Variants in ZNF418 observed in about 807,000 individuals in gnomAD.
ZNF418 encodes the protein zinc finger protein 418.
Under a neutral mutation model 32.0 loss-of-function variants are expected in ZNF418, and 32 were observed. That is an observed-to-expected ratio of 1.00 (90% CI 0.75 to 1.34). ZNF418 has a LOEUF of 1.34. Ranked by LOEUF, ZNF418 falls within the 40% of genes most tolerant of loss-of-function variation. ZNF418 has a pLI of 0.00. For missense variants in ZNF418, 804 were observed against 812.5 expected (o/e 0.99, Z 0.13); for synonymous variants, 276 against 270.7 (o/e 1.02, Z -0.19).
At chr19:57,932,301 G>A (rs2072519187) in intron 2 of ZNF418, 1 of 792,142 alleles carries the variant, frequency 1.3e-6, no homozygotes, top group African/African-American at 1.7e-5. Flanking sequence ...CAGGCCATTT[G>A]AGGTCATACA....
chr19:57,931,157 T>G (rs2072471547), intron 2 of ZNF418, among the ~76,000 whole-genome samples: 1 of 152,160 alleles, frequency 6.6e-6, no homozygotes, highest in Non-Finnish European at 1.5e-5. Flanking sequence ...TAAAGCCCAG[T>G]GCAGTTGCCT....
In ZNF418 at chr19:57,922,485, C is replaced by A; in HGVS notation, c.*770G>T. On this transcript the variant is annotated 3_prime_UTR_variant, in exon 6 of 6. Transcript: ENST00000396147. The stretch of plus-strand genomic sequence containing the variant: ...TTTACCCATGACTTCCACGGTGGCT[C>A]TTCTGTAAGGAAATGCTTGAACCCA... The A allele has an allele frequency of 5.0e-6, 2 of 398,032 alleles. No individual in the cohort carries two copies. Among genetic ancestry groups the A allele is most frequent in the South Asian group, 1.3e-4 (1 of 7,810 alleles). The allele number at this position is 398,032 out of a possible 1,614,324, so 24.7% of individuals were successfully genotyped here. A position where few individuals can be genotyped will look rare whatever the true frequency, so the allele number is the denominator to read the frequency against.
At chr19:57,935,048 C>A in intron 1 of ZNF418, 113 bp downstream of exon 1, 1 of 1,367,272 alleles carries the variant, frequency 7.3e-7, no homozygotes, top group South Asian at 1.3e-5. Flanking sequence ...GCGAACGCCT[C>A]AGTGTCCCGA....
chr19:57,931,071 G>A (rs180954725), intron 2 of ZNF418, among the ~76,000 whole-genome samples: 122 of 152,202 alleles, frequency 8.0e-4, no homozygotes, highest in African/African-American at 2.7e-3. Context: ...CACCGTGCCC[G>A]GCTATGCTGT....
At chr19:57,935,094 C>G in intron 1 of ZNF418, 67 bp downstream of exon 1, 1 of 1,287,266 alleles carries the variant, frequency 7.8e-7, no homozygotes, top group South Asian at 1.5e-5. Context: ...GAACAGTCGC[C>G]GCTCTCTCGC....
In ZNF418 at chr19:57,926,693, C is replaced by T. The variant is rs748339790; in HGVS notation, c.1488G>A (p.Gly496=). 17 of 1,613,730 alleles carry T rather than the reference C, an allele frequency of 1.1e-5. No individual in the cohort carries two copies. Among genetic ancestry groups the T allele is most frequent in the African/African-American group, 2.7e-5 (2 of 74,798 alleles). Residue 496 remains glycine, a synonymous_variant, in exon 4 of 6, where the codon GGG becomes GGA. Coordinates refer to ENST00000396147, the MANE Select transcript of ZNF418 (RefSeq NM_133460.3). ...ECGKSFQDSS[G]FRVHQRVHTG... is the part of the protein sequence containing the mutation. ...TGTGAACTCTCTGATGAACACGAAA[C>T]CCAGAGCTGTCTTGAAATGATTTCC...
chr19:57,930,862 C>G (rs2072457120), intron 2 of ZNF418, among the ~76,000 whole-genome samples: 2 of 152,210 alleles, frequency 1.3e-5, no homozygotes, highest in African/African-American at 4.8e-5. Context: ...ACTGCAACCT[C>G]TGCCTCCTGG....
chr19:57,931,635 C>T (rs190560600), intron 2 of ZNF418, among the ~76,000 whole-genome samples: 26 of 152,292 alleles, frequency 1.7e-4, no homozygotes, highest in African/African-American at 5.5e-4. Context: ...CTCCTTTGGT[C>T]GCCTAAGCTG....
chr19:57,935,255 G>C lies in ZNF418; in HGVS notation c.-175C>G. On this transcript the variant is annotated 5_prime_UTR_variant, in exon 1 of 6. Transcript: ENST00000396147. The stretch of plus-strand genomic sequence containing the variant: ...GGCGCCGTTACGGGGCCTAAGATCT[G>C]CCTCTGTGCAGCAAGAAGGACTCTT... The C allele has an allele frequency of 8.4e-7, 1 of 1,191,530 alleles. No individual in the cohort carries two copies. Among genetic ancestry groups the C allele is most frequent in the Non-Finnish European group, 1.1e-6 (1 of 945,852 alleles). The allele number at this position is 1,191,530 out of a possible 1,614,324, so 73.8% of individuals were successfully genotyped here. A position where few individuals can be genotyped will look rare whatever the true frequency, so the allele number is the denominator to read the frequency against.
intron 1 of ZNF418, 60 bp from the exon 2 acceptor site, chr19:57,933,962 G>A (rs1007350554): frequency 6.0e-5 from 95 of 1,592,904 alleles, no homozygotes; most frequent in Admixed American, 1.7e-5. Context: ...CCTCCCCACC[G>A]AATTTTTACC....
chr19:57,934,866 C>CA (rs1472563738), intron 1 of ZNF418: 1 of 440,886 alleles, frequency 2.3e-6, no homozygotes, highest in Non-Finnish European at 3.8e-6. Flanking sequence ...ACACAGCCCC[C>CA]AGCCTGCTCT....
Position 57,922,343 on chromosome 19 carries a change from G to T in ZNF418, c.*912C>A, listed in dbSNP as rs904371516. 2.4e-5 allele frequency: 9 copies of T among 379,684 alleles called. No homozygotes were observed. The highest frequency in any genetic ancestry group is 3.7e-5 in the Non-Finnish European group (8 of 214,670). 23.5% of individuals were successfully genotyped at this position (379,684 alleles called of 1,614,324 possible). A position where few individuals can be genotyped will look rare whatever the true frequency, so the allele number is the denominator to read the frequency against. On this transcript the variant is annotated 3_prime_UTR_variant, in exon 6 of 6. Coordinates refer to ENST00000396147, the MANE Select transcript of ZNF418 (RefSeq NM_133460.3). ...AGGGGAGGGTATGCAAAATAAAAAT[G>T]TTAGAAAATGGGCCACACTTTACAA...
At chr19:57,935,002 C>A in intron 1 of ZNF418, 159 bp downstream of exon 1, 1 of 1,427,928 alleles carries the variant, frequency 7.0e-7, no homozygotes. Flanking sequence ...CTCTCCCCAC[C>A]GCATCCCACA....
rs980118516 is a variant in ZNF418, at chr19:57,935,354, C to G, written c.-274G>C. On this transcript the variant is annotated 5_prime_UTR_variant, in exon 1 of 6. Transcript: ENST00000396147. ...TCTCACCTCACAAACCGCAGAAACA[C>G]ACCCAACATTAACCAAAATGGTCGC... 2.1e-6 allele frequency: 1 copy of G among 478,568 alleles called. No individual in the cohort carries two copies. The highest frequency in any genetic ancestry group is 2.1e-5 in the African/African-American group (1 of 47,830). The allele number at this position is 478,568 out of a possible 1,614,324, so 29.6% of individuals were successfully genotyped here.
chr19:57,928,025 A>G lies in ZNF418; in HGVS notation c.156T>C (p.Asp52=), dbSNP rs752010934. The part of the protein sequence containing the change: ...SSLGCWCGSE[D]EEAPSKKSIS... ...TGCTCTTCTTAGAAGGTGCCTCCTC[A>G]TCTTCTGATCCACACCAACAACCTG... is the stretch of plus-strand genomic sequence containing the variant. Residue 52 remains aspartate, a synonymous_variant, in exon 4 of 6, where the codon GAT becomes GAC. Coordinates refer to ENST00000396147, the MANE Select transcript of ZNF418 (RefSeq NM_133460.3). 2.6e-6 allele frequency: 4 copies of G among 1,545,218 alleles called. No homozygotes were observed. The highest frequency in any genetic ancestry group is 3.5e-6 in the Non-Finnish European group (4 of 1,142,974).
At chr19:57,928,795 C>T (rs1216167934) in intron 3 of ZNF418, among the ~76,000 whole-genome samples, 1 of 151,954 alleles carries the variant, frequency 6.6e-6, no homozygotes, top group East Asian at 2.0e-4. Flanking sequence ...AGATCGAGAC[C>T]ATCCTGGCTA....
At position 57,935,365 on chromosome 19, in the gene ZNF418, AAC is replaced by A. The variant is rs1340818127; in HGVS notation, c.-287_-286del. 2 of 351,732 alleles carry A rather than the reference AAC, an allele frequency of 5.7e-6. No homozygotes were observed. Among genetic ancestry groups the A allele is most frequent in the African/African-American group, 2.2e-5 (1 of 45,346 alleles). The allele number at this position is 351,732 out of a possible 1,614,324, so 21.8% of individuals were successfully genotyped here. ...AAACCGCAGAAACACACCCAACATT[AAC>A]CAAAATGGTCGCTACCAGAGAACGC... On this transcript the variant is annotated 5_prime_UTR_variant, in exon 1 of 6. Transcript: ENST00000396147.
Position 57,930,308 on chromosome 19 carries a change from G to A in ZNF418, c.133+120C>T, listed in dbSNP as rs943630484. 50 of 1,487,988 alleles carry A rather than the reference G, an allele frequency of 3.4e-5. No individual in the cohort carries two copies. The African/African-American group carries it at 6.9e-4, about 21-fold the overall frequency. 92.2% of individuals were successfully genotyped at this position (1,487,988 alleles called of 1,614,324 possible). A position where few individuals can be genotyped will look rare whatever the true frequency, so the allele number is the denominator to read the frequency against. ...CTACCAACCACAAAACCTACCCAGA[G>A]AAGTGGAGAAGGAAGCTGTGCCCAT... On this transcript the variant is annotated intron_variant, in intron 3 of 5. Transcript: ENST00000396147.
At position 57,926,864 on chromosome 19, in the gene ZNF418, G is replaced by C; in HGVS notation, c.1317C>G (p.Gly439=). The stretch of plus-strand genomic sequence containing the variant: ...GGCTTCGCTGATGCTGAATGAGGTT[G>C]CCCTTTCGACTAAAAGATTTCCCAC... ...GECGKSFSRK[G]NLIQHQRSHT... The change falls in exon 4 of 6, where the codon GGC becomes GGG. Residue 439 remains glycine (G), a synonymous_variant. Transcript: ENST00000396147. 2 of 1,614,034 alleles carry C rather than the reference G, an allele frequency of 1.2e-6. No individual in the cohort carries two copies. The highest frequency in any genetic ancestry group is 1.7e-6 in the Non-Finnish European group (2 of 1,180,014).
Sources: gnomAD v4.1 joint callset for allele counts (sites outside exome capture counted in the v4.1 genomes callset) on GRCh38, gnomAD v4.1.1 for gene constraint, MANE v1.5 for transcripts, NCBI Gene and HGNC (gene_info 2026-07-23, HGNC 2026-07-21) for gene names.